TAFA2: variants seen among roughly 807,000 people sequenced by gnomAD.
TAFA2 encodes TAFA chemokine like family member 2, also known as chemokine-like protein TAFA-2.
Under a neutral mutation model 18.8 loss-of-function variants are expected in TAFA2, and 7 were observed. The ratio of observed to expected loss-of-function variants is 0.37; its 90% CI spans 0.21 to 0.70. The LOEUF (loss-of-function observed/expected upper bound fraction) is 0.70. Ranked by LOEUF, TAFA2 falls within the 30% of genes least tolerant of loss-of-function variation. The pLI is 0.53. For synonymous variants in TAFA2, 60 were observed against 54.2 expected, an observed-to-expected ratio of 1.11 and a Z score of -0.47; for missense variants, 122 against 158.1, an observed-to-expected ratio of 0.77 and a Z score of 1.23.
At chr12:61,864,964 C>T (rs1874291090) in intron 2 of TAFA2, among the ~76,000 whole-genome samples, 1 of 152,080 alleles carries the variant, frequency 6.6e-6, no homozygotes, top group African/African-American at 2.4e-5. Flanking sequence ...AGAAAGTGAA[C>T]TGGCCTGCCT....
chr12:62,155,767 A>G (rs1214319884), intron 1 of TAFA2, among the ~76,000 whole-genome samples: 1 of 152,198 alleles, frequency 6.6e-6, no homozygotes, highest in African/African-American at 2.4e-5. Context: ...CTGGATCTTC[A>G]TCTCTCACCT....
At chr12:62,015,595 T>A (rs1440673115) in intron 1 of TAFA2, among the ~76,000 whole-genome samples, 1 of 152,222 alleles carries the variant, frequency 6.6e-6, no homozygotes, top group Non-Finnish European at 1.5e-5. Flanking sequence ...GATGATATAG[T>A]GGTGAGCAGA....
intron 1 of TAFA2, among the ~76,000 whole-genome samples, chr12:61,990,980 G>A (rs1231579756): frequency 6.6e-6 from 1 of 152,180 alleles, no homozygotes; most frequent in Non-Finnish European, 1.5e-5. Context: ...GGAAAATAGT[G>A]ACCTTTTGTA....
At chr12:61,876,583 A>G (rs371725254) in intron 1 of TAFA2, among the ~76,000 whole-genome samples, 2 of 152,304 alleles carry the variant, frequency 1.3e-5, no homozygotes, top group African/African-American at 4.8e-5. Flanking sequence ...TCTCAAAGGT[A>G]GGTGAACTGA....
chr12:61,914,835 A>C (rs1348492839), intron 1 of TAFA2, among the ~76,000 whole-genome samples: 1 of 152,178 alleles, frequency 6.6e-6, no homozygotes. Context: ...CTTAAAAAAA[A>C]CCTAAAGACT....
intron 1 of TAFA2, among the ~76,000 whole-genome samples, chr12:61,872,016 C>T (rs907454490): frequency 6.6e-6 from 1 of 152,032 alleles, no homozygotes; most frequent in Non-Finnish European, 1.5e-5. Context: ...GGCACGAACC[C>T]GGGAGGTAGA....
chr12:62,027,777 C>T (rs1033068431), intron 1 of TAFA2, among the ~76,000 whole-genome samples: 2 of 152,104 alleles, frequency 1.3e-5, no homozygotes, highest in Non-Finnish European at 2.9e-5. Context: ...CATTAATTTG[C>T]CCAATTTTTC....
chr12:62,054,452 A>G (rs1013311069), intron 1 of TAFA2, among the ~76,000 whole-genome samples: 6 of 152,212 alleles, frequency 3.9e-5, no homozygotes, highest in Non-Finnish European at 8.8e-5. Context: ...GTTCACCTCA[A>G]TATCTTCGGC....
At chr12:62,072,826 G>A (rs758968732) in intron 1 of TAFA2, among the ~76,000 whole-genome samples, 32 of 152,004 alleles carry the variant, frequency 2.1e-4, no homozygotes, top group African/African-American at 6.5e-4. Flanking sequence ...TCAAAATACC[G>A]AATGATCCAA....
chr12:62,074,698 AT>A (rs67195424), intron 1 of TAFA2, among the ~76,000 whole-genome samples: 4,181 of 137,448 alleles, frequency 0.03, 31 homozygotes, highest in African/African-American at 0.045. Flanking sequence ...AACTACATGA[AT>A]TTTTTTTTTT....
At chr12:61,788,506 CT>C (rs775964292) in intron 2 of TAFA2, among the ~76,000 whole-genome samples, 3 of 151,610 alleles carry the variant, frequency 2.0e-5, no homozygotes, top group Non-Finnish European at 4.4e-5. Flanking sequence ...TATCAAATAT[CT>C]TTTCTGATCA....
intron 2 of TAFA2, among the ~76,000 whole-genome samples, chr12:61,827,872 T>C (rs1872582616): frequency 6.6e-6 from 1 of 151,998 alleles, no homozygotes; most frequent in Non-Finnish European, 1.5e-5. Flanking sequence ...CCTCCATGTG[T>C]TCAAAAAATG....
intron 1 of TAFA2, among the ~76,000 whole-genome samples, chr12:62,170,141 A>G (rs1223168602): frequency 6.6e-6 from 1 of 152,230 alleles, no homozygotes; most frequent in Non-Finnish European, 1.5e-5. Flanking sequence ...TGCAGTCACA[A>G]GGACCCTAGG....
At chr12:62,023,904 T>C (rs1881229805) in intron 1 of TAFA2, 1 of 152,228 alleles carries the variant, frequency 6.6e-6, no homozygotes, top group Non-Finnish European at 1.5e-5. Flanking sequence ...TCCTCAGTTA[T>C]GTTATTAGAA....
At chr12:62,031,828 T>C (rs1296890157) in intron 1 of TAFA2, among the ~76,000 whole-genome samples, 2 of 152,180 alleles carry the variant, frequency 1.3e-5, no homozygotes, top group African/African-American at 4.8e-5. Context: ...TGAATATTTA[T>C]GGTGGCCTAC....
intron 1 of TAFA2, among the ~76,000 whole-genome samples, chr12:62,137,322 A>G (rs897703530): frequency 2.6e-5 from 4 of 152,152 alleles, no homozygotes; most frequent in African/African-American, 7.2e-5. Flanking sequence ...TAAGCCCTCT[A>G]TGAGCTGCTT....
chr12:62,253,043 A>T (rs1395385395), intron 1 of TAFA2: 2 of 152,194 alleles, frequency 1.3e-5, no homozygotes, highest in African/African-American at 4.8e-5. Context: ...CAAGGGCTCA[A>T]TATTGGTCTC....
intron 1 of TAFA2, among the ~76,000 whole-genome samples, chr12:62,101,480 T>C (rs894419261): frequency 2.0e-5 from 3 of 152,190 alleles, no homozygotes; most frequent in Non-Finnish European, 4.4e-5. Context: ...TTTCCCTAGA[T>C]TGTTAGTTCT....
At chr12:62,051,234 T>A (rs1882044355) in intron 1 of TAFA2, among the ~76,000 whole-genome samples, 1 of 152,196 alleles carries the variant, frequency 6.6e-6, no homozygotes, top group South Asian at 2.1e-4. Flanking sequence ...TTCAACCCAG[T>A]GAGGCATACA....
Sources: gnomAD v4.1 joint callset for allele counts (sites outside exome capture counted in the v4.1 genomes callset) on GRCh38, gnomAD v4.1.1 for gene constraint, MANE v1.5 for transcripts, NCBI Gene and HGNC (gene_info 2026-07-23, HGNC 2026-07-21) for gene names.